SGSM3: variants seen among roughly 807,000 people sequenced by gnomAD.
SGSM3 encodes the protein RUN and SH3 containing 3.
SGSM3 carries 96 observed loss-of-function variants against 100.5 expected under a neutral mutation model. The observed-to-expected ratio is 0.96, with a 90% CI of 0.81 to 1.13. The LOEUF (loss-of-function observed/expected upper bound fraction) is 1.13. SGSM3 is among the 50% of genes most tolerant of loss of function. SGSM3 has a pLI of 0.00. For synonymous variants in SGSM3, 483 were observed against 422.8 expected, an observed-to-expected ratio of 1.14 and a Z score of -1.75; for missense variants, 1,001 against 1,015.8, an observed-to-expected ratio of 0.99 and a Z score of 0.20.
In SGSM3 at chr22:40,405,234, G is replaced by C. The variant is rs1292670278; in HGVS notation, c.568G>C (p.Ala190Pro). Reference sequence around the variant, plus strand: ...GCCCCGCCTGCGCAGGGTGCTCCGGGCCCTGGCCTGGCTCTACCCAGAGAT... The same window carrying C: ...GCCCCGCCTGCGCAGGGTGCTCCGGCCCCTGGCCTGGCTCTACCCAGAGAT... ...GVPRLRRVLRALAWLYPEIGY... is the reference protein window; with the variant it reads ...GVPRLRRVLRPLAWLYPEIGY... The change falls in exon 7 of 22, where the codon GCC (alanine) becomes CCC (proline). Residue 190 changes from alanine (A) to proline (P), a missense_variant. Physicochemically the swap from Ala to Pro is conservative, Grantham distance 27. Coordinates refer to ENST00000248929, the MANE Select transcript of SGSM3 (RefSeq NM_015705.6). 1 of 1,571,854 alleles carries C rather than the reference G, an allele frequency of 6.4e-7. No homozygotes were observed. Among genetic ancestry groups the C allele is most frequent in the Non-Finnish European group, 8.6e-7 (1 of 1,158,562 alleles).
In SGSM3 at chr22:40,376,178, C is replaced by CTT. The variant is rs10616868; in HGVS notation, c.-112+5521_-112+5522dup. The CTT allele has an allele frequency of 8.6e-4, 75 of 86,874 alleles. 12 individuals are homozygous for CTT. The highest frequency in any genetic ancestry group is 1.1e-3 in the Non-Finnish European group (51 of 44,354). The allele number at this position is 86,874 out of a possible 1,614,324, so 5.4% of individuals were successfully genotyped here. A position where few individuals can be genotyped will look rare whatever the true frequency, so the allele number is the denominator to read the frequency against. On this transcript the variant is annotated intron_variant, in intron 1 of 21. Coordinates refer to ENST00000248929, the MANE Select transcript of SGSM3 (RefSeq NM_015705.6). ...GGATAGGGTTAAAGTCAAATTACCA[C>CTT]TTTTTTTTTTTTTTTTTTTTTTTTT...
chr22:40,408,355 G>T lies in SGSM3; in HGVS notation c.1708G>T (p.Ala570Ser), dbSNP rs780033716. Residue 570 changes from alanine (A) to serine (S), a missense_variant, in exon 16 of 22, where the codon GCC becomes TCC. Ala to Ser is a moderately conservative substitution (Grantham distance 99, BLOSUM62 1). Transcript: ENST00000248929. The stretch of plus-strand genomic sequence containing the variant: ...AGGGACCCTCTGCCCGGCCCTTAAG[G>T]CCCTGTTCGAACATGGACTGAAGAA... ...VRGTLCPALK[A>S]LFEHGLKKPS... 6 of 1,613,470 alleles carry T rather than the reference G, an allele frequency of 3.7e-6. No homozygotes were observed. The African/African-American group carries it at 8.0e-5, about 22-fold the overall frequency.
In SGSM3 at chr22:40,406,125, G is replaced by A. The variant is rs376746554; in HGVS notation, c.862G>A (p.Val288Met). The change falls in exon 9 of 22, where the codon GTG becomes ATG. Residue 288 changes from valine to methionine, a missense_variant. Physicochemically the swap from Val to Met is conservative, Grantham distance 21 (BLOSUM62 1). Transcript: ENST00000248929. ...LHWFLTAFAS[V>M]VDIKLLLRIW... ...CTGGTTCCTCACGGCCTTCGCCAGCGTGGTGGACATCAAGCTGCTCCTGCG... is the reference window on the plus strand; with the variant it reads ...CTGGTTCCTCACGGCCTTCGCCAGCATGGTGGACATCAAGCTGCTCCTGCG... 54 of 1,614,016 alleles carry A rather than the reference G, an allele frequency of 3.3e-5. No individual in the cohort carries two copies. Among genetic ancestry groups the A allele is most frequent in the Non-Finnish European group, 4.1e-5 (48 of 1,180,038 alleles).
chr22:40,378,681 A>G (rs1301097389), intron 1 of SGSM3, among the ~76,000 whole-genome samples: 1 of 150,686 alleles, frequency 6.6e-6, no homozygotes, highest in Non-Finnish European at 1.5e-5. Context: ...AGCTGAGATC[A>G]CACACTGCAC....
At chr22:40,409,068 G>T (rs927000827) in intron 19 of SGSM3, 50 bp downstream of exon 19, 3 of 1,552,410 alleles carry the variant, frequency 1.9e-6, no homozygotes, top group Admixed American at 3.9e-5. Flanking sequence ...GGGGGACCCA[G>T]CCCAGCATCA....
chr22:40,406,183 G>A lies in SGSM3; in HGVS notation c.920G>A (p.Arg307Gln), dbSNP rs772795340. Residue 307 changes from arginine to glutamine, a missense_variant, in exon 9 of 22, where the codon CGG (arginine) becomes CAG (glutamine). Coordinates refer to ENST00000248929, the MANE Select transcript of SGSM3 (RefSeq NM_015705.6). ...GACCTGTTTTTCTACGAGGGCTCCC[G>A]GGTGCTGTTCCAGCTCACGCTGGGC... ...IWDLFFYEGSRVLFQLTLGML... is the reference protein window; with the variant it reads ...IWDLFFYEGSQVLFQLTLGML... The A allele has an allele frequency of 9.3e-6, 15 of 1,614,104 alleles. No individual in the cohort carries two copies. Among genetic ancestry groups the A allele is most frequent in the Admixed American group, 1.7e-5 (1 of 60,030 alleles).
Position 40,409,019 on chromosome 22 carries a change from G to A in SGSM3, c.1988+1G>A. On this transcript the variant is annotated splice_donor_variant, in intron 19 of 21. Coordinates refer to ENST00000248929, the MANE Select transcript of SGSM3 (RefSeq NM_015705.6). LOFTEE classifies it high-confidence loss of function. Reference sequence around the variant, plus strand: ...GCTCACTGATCTGCGTGGGGCTCAAGTGAGTGTGGAAAAGGGGTTGGAGGA... The same window carrying A: ...GCTCACTGATCTGCGTGGGGCTCAAATGAGTGTGGAAAAGGGGTTGGAGGA... 2 of 1,561,812 alleles carry A rather than the reference G, an allele frequency of 1.3e-6. No homozygotes were observed. Among genetic ancestry groups the A allele is most frequent in the African/African-American group, 1.4e-5 (1 of 73,514 alleles).
Position 40,409,974 on chromosome 22 carries a change from C to G in SGSM3, c.*215C>G. 7.4e-7 allele frequency: 1 copy of G among 1,352,644 alleles called. No individual in the cohort carries two copies. 83.8% of individuals were successfully genotyped at this position (1,352,644 alleles called of 1,614,324 possible). The stretch of plus-strand genomic sequence containing the variant: ...TCCTTAGGGATGCTCTAGGCCAAAC[C>G]ACAGTTTGTACCAAAAACCTTGTGA... On this transcript the variant is annotated 3_prime_UTR_variant, in exon 22 of 22. Transcript: ENST00000248929.
chr22:40,407,699 GCCT>G lies in SGSM3; in HGVS notation c.1525-89_1525-87del. On this transcript the variant is annotated intron_variant, in intron 13 of 21. Transcript: ENST00000248929. The surrounding 1 kb of genome is among the most constrained non-coding windows in gnomAD (Gnocchi z 4.7). The stretch of plus-strand genomic sequence containing the variant: ...GTGAAGATGTAGGGGTCTTGGCCTG[GCCT>G]AGTTGCTGAGGAGTCATATCGGGGG... 6.3e-7 allele frequency: 1 copy of G among 1,585,880 alleles called. No homozygotes were observed. The highest frequency in any genetic ancestry group is 8.7e-7 in the Non-Finnish European group (1 of 1,155,606).
At chr22:40,384,234 C>T (rs887110753) in intron 1 of SGSM3, among the ~76,000 whole-genome samples, 3 of 151,950 alleles carry the variant, frequency 2.0e-5, no homozygotes, top group African/African-American at 7.3e-5. Context: ...CAGAACAAAA[C>T]CCTGTCTCTA....
intron 1 of SGSM3, among the ~76,000 whole-genome samples, chr22:40,400,261 T>C (rs1165443855): frequency 2.0e-5 from 3 of 152,234 alleles, no homozygotes; most frequent in Non-Finnish European, 4.4e-5. Flanking sequence ...ATGTAACTTG[T>C]CTTGAAATCT....
rs201201598 is a variant in SGSM3 at position 40,409,356 on chromosome 22, A to C, written c.2095A>C (p.Ile699Leu). The change falls in exon 20 of 22, where the codon ATC (isoleucine) becomes CTC (leucine). Residue 699 changes from isoleucine to leucine, a missense_variant. By Grantham distance (5) the Ile-to-Leu change is conservative. Transcript: ENST00000248929. ...CCTGCGCAGCCCGGGCTGGGTCCAG[A>C]TCAAGTGTGAGCTCCGGTGAGGACC... ...SFLRSPGWVQ[I>L]KCELRVLCCF... 9 of 1,606,810 alleles carry C rather than the reference A, an allele frequency of 5.6e-6. No individual in the cohort carries two copies. The highest frequency in any genetic ancestry group is 1.3e-5 in the African/African-American group (1 of 74,650).
chr22:40,404,213 G>A, intron 4 of SGSM3, 34 bp from the exon 5 acceptor site: 1 of 1,494,570 alleles, frequency 6.7e-7, no homozygotes, highest in Non-Finnish European at 8.9e-7. Context: ...AGTAGAGAAT[G>A]CTTTTTCTTT....
Position 40,405,149 on chromosome 22 carries a change from G to A in SGSM3, c.483G>A (p.Lys161=). Residue 161 remains lysine (K), a synonymous_variant, in exon 7 of 22, where the codon AAG becomes AAA. Transcript: ENST00000248929. The stretch of plus-strand genomic sequence containing the variant: ...CGATGGCTGCCTGACAGATCGAGAA[G>A]GACCTGCTCCGCACCATGCCCAGCA... ...DETIAAKQIE[K]DLLRTMPSNA... 1 of 1,522,744 alleles carries A rather than the reference G, an allele frequency of 6.6e-7. No individual in the cohort carries two copies. Among genetic ancestry groups the A allele is most frequent in the African/African-American group, 1.4e-5 (1 of 71,636 alleles). 94.3% of individuals were successfully genotyped at this position (1,522,744 alleles called of 1,614,324 possible).
At chr22:40,385,660 G>T (rs923136130) in intron 1 of SGSM3, among the ~76,000 whole-genome samples, 1 of 152,168 alleles carries the variant, frequency 6.6e-6, no homozygotes, top group Non-Finnish European at 1.5e-5. Flanking sequence ...CTCAGCTGGG[G>T]GTGAGTGGCA....
At chr22:40,375,840 C>A (rs1227048610) in intron 1 of SGSM3, among the ~76,000 whole-genome samples, 5 of 151,984 alleles carry the variant, frequency 3.3e-5, no homozygotes, top group Admixed American at 2.6e-4. Context: ...GAGGTCAAGA[C>A]CAGCCTGGGC....
Position 40,408,841 on chromosome 22 carries a change from G to C in SGSM3, c.1901G>C (p.Arg634Pro). ...CTGACCCCGGAGGAGCTGCTCTACC[G>C]GGTAAGGGGGCCTCCTCTGCCAGAC... ...KVLTPEELLYRAVQSVNVTHD... is the reference protein window; with the variant it reads ...KVLTPEELLYPAVQSVNVTHD... Residue 634 changes from arginine (R) to proline (P), a missense_variant and splice_region_variant, in exon 18 of 22, where the codon CGG becomes CCG. By Grantham distance (103) the Arg-to-Pro change is moderately radical. Coordinates refer to ENST00000248929, the MANE Select transcript of SGSM3 (RefSeq NM_015705.6). 1 of 1,613,854 alleles carries C rather than the reference G, an allele frequency of 6.2e-7. No individual in the cohort carries two copies. The highest frequency in any genetic ancestry group is 8.5e-7 in the Non-Finnish European group (1 of 1,180,020).
chr22:40,373,722 TCTC>T (rs1300590051), intron 1 of SGSM3, among the ~76,000 whole-genome samples: 1 of 150,700 alleles, frequency 6.6e-6, no homozygotes, highest in Non-Finnish European at 1.5e-5. Flanking sequence ...TTCAAGCAGT[TCTC>T]CTGCCTCAGC....
rs148836740 is a variant in SGSM3 at position 40,387,119 on chromosome 22, GGTCA to G, written c.-111-13573_-111-13570del. On this transcript the variant is annotated intron_variant, in intron 1 of 21. Transcript: ENST00000248929. ...GTATGGTATAGTGAGACTGCTGAGGGGTCAGTCCTTTGCTGAGGTGTAAAATGGG... is the reference window on the plus strand; with the variant it reads ...GTATGGTATAGTGAGACTGCTGAGGGGTCCTTTGCTGAGGTGTAAAATGGG... The G allele has an allele frequency of 3.2e-3, 1,257 of 397,604 alleles. 12 individuals are homozygous for G. The highest frequency in any genetic ancestry group is 0.023 in the African/African-American group (1,103 of 48,684). The allele number at this position is 397,604 out of a possible 1,614,324, so 24.6% of individuals were successfully genotyped here. A position where few individuals can be genotyped will look rare whatever the true frequency, so the allele number is the denominator to read the frequency against.
Sources: gnomAD v4.1 joint callset for allele counts (sites outside exome capture counted in the v4.1 genomes callset) on GRCh38, gnomAD v4.1.1 for gene constraint, Gnocchi (gnomAD v3.1) non-coding constraint, MANE v1.5 for transcripts, NCBI Gene and HGNC (gene_info 2026-07-23, HGNC 2026-07-21) for gene names.